Variants in CAPN13 observed in about 807,000 individuals in gnomAD.
CAPN13 encodes the protein calpain 13, also known as calpain-13.
CAPN13 carries 90 observed loss-of-function variants against 98.4 expected under a neutral mutation model. The ratio of observed to expected loss-of-function variants is 0.92; its 90% confidence interval spans 0.77 to 1.09. The LOEUF is 1.09. Among genes scored for constraint, CAPN13 ranks in the 50% least tolerant of loss-of-function variants. The probability of loss-of-function intolerance (pLI) is 0.00; values close to 1 mark genes in which losing one functional copy is unlikely to be tolerated. For synonymous variants in CAPN13, 330 were observed against 305.5 expected, an observed-to-expected ratio of 1.08 and a Z score of -0.84; for missense variants, 887 against 841.3, an observed-to-expected ratio of 1.05 and a Z score of -0.67.
intron 9 of CAPN13, 25 bp from the exon 10 acceptor site, chr2:30,753,223 T>C: frequency 6.2e-7 from 1 of 1,612,906 alleles, no homozygotes; most frequent in Non-Finnish European, 8.5e-7. Context: ...TATACATCAC[T>C]CAGTGACCAG....
chr2:30,794,308 C>T (rs550767276), intron 1 of CAPN13, among the ~76,000 whole-genome samples: 5 of 151,990 alleles, frequency 3.3e-5, no homozygotes, highest in Admixed American at 6.5e-5. Context: ...TGTTCCACAT[C>T]ATAAGTTATC....
At position 30,757,470 on chromosome 2, in the gene CAPN13, G is replaced by A. The variant is rs546816124; in HGVS notation, c.866+576C>T. The stretch of plus-strand genomic sequence containing the variant: ...ACAGCTTTTCATTTATATCCCAGGC[G>A]CCGAGTACTCATGGGCATCCAGAGC... On this transcript the variant is annotated intron_variant, in intron 8 of 22. Transcript: ENST00000295055. Among the ~76,000 whole-genome samples the A allele has an allele frequency of 8.5e-5, 13 of 152,302 alleles. 1 individual carries two copies. The South Asian group carries it at 2.3e-3, about 27-fold the overall frequency.
At position 30,751,259 on chromosome 2, in the gene CAPN13, A is replaced by C; in HGVS notation, c.1088-8T>G. ...CATCATTCCGAGGTCCTCCTGCATC[A>C]GAAAGAGCTGTTACTAGAGCTCAGC... On this transcript the variant is annotated splice_polypyrimidine_tract_variant and splice_region_variant and intron_variant, in intron 10 of 22. Coordinates refer to ENST00000295055, the MANE Select transcript of CAPN13 (RefSeq NM_144575.3). The C allele has an allele frequency of 6.2e-7, 1 of 1,613,572 alleles. No individual in the cohort carries two copies. The highest frequency in any genetic ancestry group is 8.5e-7 in the Non-Finnish European group (1 of 1,179,640).
chr2:30,757,615 C>T (rs1672520961), intron 8 of CAPN13, among the ~76,000 whole-genome samples: 1 of 152,210 alleles, frequency 6.6e-6, no homozygotes, highest in East Asian at 1.9e-4. Context: ...GTGACATGCT[C>T]AGGATCAGAA....
At chr2:30,755,348 T>C (rs558809415) in intron 8 of CAPN13, among the ~76,000 whole-genome samples, 1 of 152,276 alleles carries the variant, frequency 6.6e-6, no homozygotes, top group South Asian at 2.1e-4. Flanking sequence ...CTCACTAGAC[T>C]CCCAGAACCA....
intron 8 of CAPN13, among the ~76,000 whole-genome samples, chr2:30,755,117 A>G (rs774234880): frequency 6.6e-5 from 10 of 151,736 alleles, no homozygotes; most frequent in Non-Finnish European, 1.3e-4. Context: ...TCATTTCCTT[A>G]AAACACCACC....
intron 2 of CAPN13, among the ~76,000 whole-genome samples, chr2:30,778,489 C>A (rs1350793323): frequency 6.6e-6 from 1 of 152,220 alleles, no homozygotes; most frequent in East Asian, 1.9e-4. Flanking sequence ...TGCAGCTCTT[C>A]CTGGATTTGC....
At chr2:30,780,944 A>T (rs550036435) in intron 2 of CAPN13, among the ~76,000 whole-genome samples, 95 of 152,352 alleles carry the variant, frequency 6.2e-4, no homozygotes, top group African/African-American at 2.1e-3. Context: ...GGTCAGGCAC[A>T]TGAGGGCAGT....
rs139012223 is a variant in CAPN13, at chr2:30,797,337, A to G, written c.-33+9965T>C. Reference sequence around the variant, plus strand: ...AAAACTGAACTCTGCCTTGTGTCTTAAGGAAAAAGGAAAAAGAGGCAGCAT... The same window carrying G: ...AAAACTGAACTCTGCCTTGTGTCTTGAGGAAAAAGGAAAAAGAGGCAGCAT... On this transcript the variant is annotated intron_variant, in intron 1 of 22. Coordinates refer to ENST00000295055, the MANE Select transcript of CAPN13 (RefSeq NM_144575.3). Among the ~76,000 whole-genome samples the G allele has an allele frequency of 1.4e-4, 22 of 152,284 alleles. No homozygotes were observed. The East Asian group carries it at 4.2e-3, about 29-fold the overall frequency.
At chr2:30,738,800 A>C (rs1274501631) in intron 15 of CAPN13, among the ~76,000 whole-genome samples, 2 of 152,124 alleles carry the variant, frequency 1.3e-5, no homozygotes, top group Admixed American at 1.3e-4. Flanking sequence ...AATCAACTCA[A>C]CCCTTTAGAT....
At chr2:30,794,112 A>G (rs1674734553) in intron 1 of CAPN13, among the ~76,000 whole-genome samples, 1 of 151,838 alleles carries the variant, frequency 6.6e-6, no homozygotes, top group Non-Finnish European at 1.5e-5. Context: ...AAAAACAAAA[A>G]TGCAAATTTC....
intron 6 of CAPN13, among the ~76,000 whole-genome samples, chr2:30,763,839 C>T (rs1264891108): frequency 6.6e-6 from 1 of 152,242 alleles, no homozygotes; most frequent in East Asian, 1.9e-4. Context: ...TAGGTCCAGG[C>T]TCTGGCGCAG....
At chr2:30,739,275 G>C (rs1468021487) in intron 15 of CAPN13, among the ~76,000 whole-genome samples, 2 of 152,152 alleles carry the variant, frequency 1.3e-5, no homozygotes, top group African/African-American at 4.8e-5. Context: ...CATTTTCATG[G>C]GGAGCTGGCG....
intron 5 of CAPN13, among the ~76,000 whole-genome samples, chr2:30,765,551 A>G (rs1357943636): frequency 6.6e-6 from 1 of 152,178 alleles, no homozygotes; most frequent in Admixed American, 6.5e-5. Flanking sequence ...GGTCTTCCAC[A>G]CTGGACAAGA....
At chr2:30,761,248 C>T (rs1339233518) in intron 7 of CAPN13, among the ~76,000 whole-genome samples, 1 of 152,146 alleles carries the variant, frequency 6.6e-6, no homozygotes, top group Non-Finnish European at 1.5e-5. Context: ...ATGGATTACA[C>T]GGGACATGCG....
intron 4 of CAPN13, 65 bp from the exon 5 acceptor site, chr2:30,770,514 A>T (rs1220504574): frequency 6.4e-7 from 1 of 1,572,892 alleles, no homozygotes; most frequent in African/African-American, 1.4e-5. Context: ...GGGTCCCCCA[A>T]CCTAAGCCAA....
At chr2:30,800,528 T>C (rs959536384) in intron 1 of CAPN13, among the ~76,000 whole-genome samples, 12 of 152,182 alleles carry the variant, frequency 7.9e-5, no homozygotes, top group African/African-American at 2.9e-4. Flanking sequence ...CTAAACTCTA[T>C]GGGCCTTGGG....
intron 15 of CAPN13, among the ~76,000 whole-genome samples, chr2:30,738,967 G>C (rs1671522057): frequency 6.6e-6 from 1 of 152,110 alleles, no homozygotes; most frequent in Non-Finnish European, 1.5e-5. Context: ...TGCTATCATT[G>C]AGCACATTAC....
Position 30,734,523 on chromosome 2 carries a change from T to A in CAPN13, c.1724A>T (p.His575Leu). The change falls in exon 19 of 23, where the codon CAT (histidine) becomes CTT (leucine). Residue 575 changes from histidine to leucine, a missense_variant and splice_region_variant. His to Leu is a moderately conservative substitution (Grantham distance 99). Transcript: ENST00000295055. ...RLWKRLVHYQHVFQKVQTSPG... is the reference protein window; with the variant it reads ...RLWKRLVHYQLVFQKVQTSPG... ...GCTTGTCTGAACCTTCTGGAAAACA[T>A]GCTAATAGGGGAAGAGAAGCAAGAA... The A allele has an allele frequency of 6.2e-7, 1 of 1,613,120 alleles. No individual in the cohort carries two copies. The highest frequency in any genetic ancestry group is 8.5e-7 in the Non-Finnish European group (1 of 1,179,180).
Sources: allele counts gnomAD v4.1 joint callset (sites outside exome capture counted in the v4.1 genomes callset), GRCh38; gene constraint gnomAD v4.1.1; transcripts MANE v1.5; gene names NCBI Gene and HGNC (gene_info 2026-07-23, HGNC 2026-07-21).